PROM1: variants seen among roughly 807,000 people sequenced by gnomAD.
PROM1 encodes prominin 1, also known as prominin-1.
Under a neutral mutation model 116.9 loss-of-function variants are expected in PROM1, and 105 were observed. That is an observed-to-expected ratio of 0.90 (90% confidence interval 0.77 to 1.06). PROM1 has a LOEUF of 1.06. Among genes scored for constraint, PROM1 ranks in the 50% least tolerant of loss-of-function variants. PROM1 has a pLI of 0.00. For missense variants in PROM1, 1,122 were observed against 1,045.2 expected (o/e 1.07, Z -1.01); for synonymous variants, 393 against 387.0 (o/e 1.02, Z -0.18).
intron 3 of PROM1, among the ~76,000 whole-genome samples, chr4:16,036,701 C>T (rs1318150049): frequency 2.0e-5 from 3 of 152,222 alleles, no homozygotes; most frequent in Admixed American, 1.3e-4. Context: ...CCCAAATAAA[C>T]GACTTGCCCT....
At chr4:16,074,086 G>T (rs1171684550) in intron 2 of PROM1, among the ~76,000 whole-genome samples, 3 of 152,048 alleles carry the variant, frequency 2.0e-5, no homozygotes, top group African/African-American at 7.2e-5. Flanking sequence ...ACAAAACCAA[G>T]AAGCAAAGAC....
intron 14 of PROM1, 87 bp from the exon 15 acceptor site, chr4:15,998,575 T>C: frequency 7.7e-7 from 1 of 1,290,928 alleles, no homozygotes; most frequent in Non-Finnish European, 1.0e-6. Flanking sequence ...CTGTTGAATG[T>C]ATTTTGGAAA....
At position 15,983,989 on chromosome 4, in the gene PROM1, C is replaced by T. The variant is rs28577571; in HGVS notation, c.2373+274G>A. 0.04 allele frequency among the ~76,000 whole-genome samples: 6,157 copies of T among 152,222 alleles called. 441 individuals carry two copies. Among genetic ancestry groups the T allele is most frequent in the African/African-American group, 0.14 (5,842 of 41,520 alleles). The stretch of plus-strand genomic sequence containing the variant: ...TTTGAAGATGAGAAATCTGCACACC[C>T]GTGACTGTCTTTCTGATTATTCTGA... On this transcript the variant is annotated intron_variant, in intron 23 of 27. Coordinates refer to ENST00000447510, the MANE Select transcript of PROM1 (RefSeq NM_006017.3).
chr4:16,069,342 A>G (rs866123086), intron 2 of PROM1, among the ~76,000 whole-genome samples: 1 of 152,264 alleles, frequency 6.6e-6, no homozygotes, highest in Non-Finnish European at 1.5e-5. Flanking sequence ...TTGTTCCATT[A>G]GAATAGCTCA....
At chr4:15,977,784 G>C (rs1049315645) in intron 26 of PROM1, among the ~76,000 whole-genome samples, 1 of 152,122 alleles carries the variant, frequency 6.6e-6, no homozygotes, top group Admixed American at 6.5e-5. Flanking sequence ...ATTTTTAGTA[G>C]AGACAAGGTT....
chr4:16,047,960 G>A (rs1027895086), intron 2 of PROM1, among the ~76,000 whole-genome samples: 1 of 152,122 alleles, frequency 6.6e-6, no homozygotes, highest in African/African-American at 2.4e-5. Flanking sequence ...TATTTGGTGT[G>A]CACTCAATTC....
intron 26 of PROM1, among the ~76,000 whole-genome samples, chr4:15,978,309 T>C (rs1230257226): frequency 6.6e-6 from 1 of 152,216 alleles, no homozygotes; most frequent in Non-Finnish European, 1.5e-5. Context: ...CTGATTTTTT[T>C]ACAATGTTCA....
rs758726922 is a variant in PROM1, at chr4:15,979,461, A to C, written c.2516T>G (p.Met839Arg). The C allele has an allele frequency of 6.2e-7, 1 of 1,609,678 alleles. No individual in the cohort carries two copies. Residue 839 changes from methionine (M) to arginine (R), a missense_variant and splice_region_variant, in exon 26 of 28, where the codon ATG becomes AGG. By Grantham distance (91) the Met-to-Arg change is moderately conservative. Transcript: ENST00000447510. Reference sequence around the variant, plus strand: ...ATGATAACCATTATTACCATTTTCCATACTGTAACAGAAATAAATACACCA... The same window carrying C: ...ATGATAACCATTATTACCATTTTCCCTACTGTAACAGAAATAAATACACCA... The part of the protein sequence containing the change: ...DDVETIPMKN[M>R]ENGNNGYHKD...
chr4:15,968,268 CA>C lies in PROM1; in HGVS notation c.*1124del, dbSNP rs1253047339. ...TTTTTATTCAAATGAATCAGAACTG[CA>C]ATCTGCACATGAAAAGACCTGGGGG... On this transcript the variant is annotated 3_prime_UTR_variant, in exon 28 of 28. Coordinates refer to ENST00000447510, the MANE Select transcript of PROM1 (RefSeq NM_006017.3). The C allele has an allele frequency of 2.0e-5, 3 of 152,292 alleles. No homozygotes were observed. The East Asian group carries it at 5.8e-4, about 29-fold the overall frequency. 9.4% of individuals were successfully genotyped at this position (152,292 alleles called of 1,614,324 possible). A position where few individuals can be genotyped will look rare whatever the true frequency, so the allele number is the denominator to read the frequency against.
rs1341829152 is a variant in PROM1, at chr4:15,979,922, G to A, written c.2490-18C>T. ...TTTCAACACTATAAAATACAAAAAAGGGAGATAAAATTAATTTTTTTAATT... is the reference window on the plus strand; with the variant it reads ...TTTCAACACTATAAAATACAAAAAAAGGAGATAAAATTAATTTTTTTAATT... On this transcript the variant is annotated intron_variant, in intron 24 of 27. Coordinates refer to ENST00000447510, the MANE Select transcript of PROM1 (RefSeq NM_006017.3). The A allele has an allele frequency of 1.4e-5, 19 of 1,341,482 alleles. No homozygotes were observed. Among genetic ancestry groups the A allele is most frequent in the Middle Eastern group, 1.8e-4 (1 of 5,448 alleles). The allele number at this position is 1,341,482 out of a possible 1,614,324, so 83.1% of individuals were successfully genotyped here.
rs536848545 is a variant in PROM1, at chr4:16,066,110, G to T, written c.220+9577C>A. On this transcript the variant is annotated intron_variant, in intron 2 of 27. Transcript: ENST00000447510. ...TGGAGCGTGGCCCTGCCCACACCTA[G>T]ATTTTAGACTTCCTGCCTACAGAAC... Among the ~76,000 whole-genome samples, 14 of 152,288 alleles carry T rather than the reference G, an allele frequency of 9.2e-5. No individual in the cohort carries two copies. The South Asian group carries it at 2.9e-3, about 32-fold the overall frequency.
chr4:16,005,002 C>T (rs1484720241), intron 13 of PROM1, among the ~76,000 whole-genome samples: 2 of 146,498 alleles, frequency 1.4e-5, no homozygotes, highest in African/African-American at 2.5e-5. Flanking sequence ...CACTCTGTCG[C>T]CCAGGTTGGA....
chr4:15,974,892 T>G (rs539507727), intron 26 of PROM1, among the ~76,000 whole-genome samples: 1 of 152,288 alleles, frequency 6.6e-6, no homozygotes, highest in Non-Finnish European at 1.5e-5. Flanking sequence ...CTGGGGGAAA[T>G]CACAGTCTCA....
At chr4:16,003,983 T>C (rs1413720139) in intron 13 of PROM1, among the ~76,000 whole-genome samples, 1 of 152,300 alleles carries the variant, frequency 6.6e-6, no homozygotes, top group Non-Finnish European at 1.5e-5. Flanking sequence ...GGTGGTGTTT[T>C]GGTTGCAACA....
At chr4:16,010,000 AAAC>A (rs1726509956) in intron 11 of PROM1, among the ~76,000 whole-genome samples, 2 of 152,032 alleles carry the variant, frequency 1.3e-5, no homozygotes, top group African/African-American at 4.8e-5. Context: ...TTTAAAAAAC[AAAC>A]AAACAAACAG....
In PROM1 at chr4:16,023,368, T is replaced by C. The variant is rs1730401399; in HGVS notation, c.742A>G (p.Asn248Asp). The C allele has an allele frequency of 6.2e-7, 1 of 1,608,040 alleles. No individual in the cohort carries two copies. Among genetic ancestry groups the C allele is most frequent in the African/African-American group, 1.3e-5 (1 of 74,816 alleles). Residue 248 changes from asparagine (N) to aspartate (D), a missense_variant, in exon 8 of 28, where the codon AAC (asparagine) becomes GAC (aspartate). Asn to Asp is a conservative substitution (Grantham distance 23, BLOSUM62 1). Coordinates refer to ENST00000447510, the MANE Select transcript of PROM1 (RefSeq NM_006017.3). ...GGGILDRLRP[N>D]IIPVLDEIKS... is the part of the protein sequence containing the mutation. Reference sequence around the variant, plus strand: ...ATCTCATCAAGAACAGGGATGATGTTGGGTCTCAGTCGGTCAAGAATTCCG... The same window carrying C: ...ATCTCATCAAGAACAGGGATGATGTCGGGTCTCAGTCGGTCAAGAATTCCG...
rs1377771488 is a variant in PROM1 at position 16,006,657 on chromosome 4, C to G, written c.1335G>C (p.Leu445=). The change falls in exon 13 of 28, where the codon CTG becomes CTC. Residue 445 remains leucine, a synonymous_variant. Coordinates refer to ENST00000447510, the MANE Select transcript of PROM1 (RefSeq NM_006017.3). Reference sequence around the variant, plus strand: ...GGTAGTAAAAAATCACGATGAGGGTCAGCAGAGAGCAGATGACCAGGCCAC... The same window carrying G: ...GGTAGTAAAAAATCACGATGAGGGTGAGCAGAGAGCAGATGACCAGGCCAC... ...WLGGLVICSL[L]TLIVIFYYLG... is the part of the protein sequence containing the mutation. 1 of 1,612,956 alleles carries G rather than the reference C, an allele frequency of 6.2e-7. No individual in the cohort carries two copies. Among genetic ancestry groups the G allele is most frequent in the African/African-American group, 1.3e-5 (1 of 74,916 alleles).
chr4:16,025,706 AACAC>A (rs922481443), intron 5 of PROM1, among the ~76,000 whole-genome samples: 2 of 128,854 alleles, frequency 1.6e-5, no homozygotes, highest in African/African-American at 3.5e-5. Flanking sequence ...CATGTGTGTG[AACAC>A]ACACACACGC....
rs2149250384 is a variant in PROM1 at position 16,009,100 on chromosome 4, T to C, written c.1150A>G (p.Arg384Gly). The C allele has an allele frequency of 6.2e-7, 1 of 1,612,250 alleles. No homozygotes were observed. The highest frequency in any genetic ancestry group is 8.5e-7 in the Non-Finnish European group (1 of 1,178,966). Residue 384 changes from arginine (R) to glycine (G), a missense_variant, in exon 12 of 28, where the codon AGG (arginine) becomes GGG (glycine). Physicochemically the swap from Arg to Gly is moderately radical, Grantham distance 125 (BLOSUM62 -2). Coordinates refer to ENST00000447510, the MANE Select transcript of PROM1 (RefSeq NM_006017.3). ...TCTGAACCAATGGAATTCAAGACCC[T>C]TTTGATACCTGAAAACAAAGATACC... Reference protein sequence around the residue: ...QTTTVVAGIKRVLNSIGSDID... With the variant: ...QTTTVVAGIKGVLNSIGSDID...
Sources: allele counts gnomAD v4.1 joint callset (sites outside exome capture counted in the v4.1 genomes callset), GRCh38; gene constraint gnomAD v4.1.1; transcripts MANE v1.5; gene names NCBI Gene and HGNC (gene_info 2026-07-23, HGNC 2026-07-21).